The following DOCK1 variants were observed in gnomAD, a reference collection of about 807,000 sequenced individuals.
DOCK1 encodes dedicator of cytokinesis protein 1.
A neutral mutation model predicts 262.7 loss-of-function variants in DOCK1; 138 were observed. The observed-to-expected ratio is 0.53, with a 90% CI of 0.46 to 0.61. The LOEUF is 0.61. Ranked by LOEUF, DOCK1 falls within the 20% of genes least tolerant of loss-of-function variation. The pLI, the probability that DOCK1 is intolerant of heterozygous loss-of-function variation, is 0.00. For synonymous variants in DOCK1, 866 were observed against 867.4 expected (o/e 1.00, Z 0.03); for missense variants, 1,908 against 2,370.7 (o/e 0.80, Z 4.05).
At chr10:127,023,482 A>G (rs952297242) in intron 14 of DOCK1, among the ~76,000 whole-genome samples, 158 bp downstream of exon 14, 3 of 150,158 alleles carry the variant, frequency 2.0e-5, no homozygotes, top group African/African-American at 4.9e-5. Context: ...CCAGCTTGCC[A>G]TGCAGGGCCT....
rs1475916898 is a variant in DOCK1 at position 127,446,783 on chromosome 10, G to A, written c.5414-611G>A. ...AATGATTATTCCTCCGTTTGAAAAC[G>A]GCTATTTTTTCCAGTTTACTTTAAA... On this transcript the variant is annotated intron_variant, in intron 50 of 51. Coordinates refer to ENST00000623213, the MANE Select transcript of DOCK1 (RefSeq NM_001290223.2). This position sits in a 1 kb window ranked among gnomAD's most constrained non-coding sequence, Gnocchi z 4.4. Among the ~76,000 whole-genome samples, 1 of 152,098 alleles carries A rather than the reference G, an allele frequency of 6.6e-6. No individual in the cohort carries two copies.
rs917306885 is a variant in DOCK1, at chr10:127,345,965, G to A, written c.3224+2219G>A. Among the ~76,000 whole-genome samples the A allele has an allele frequency of 9.2e-5, 14 of 152,320 alleles. No individual in the cohort carries two copies. In the East Asian group the frequency reaches 1.4e-3, roughly 15 times the overall value. ...ACAGTGCGGCACAACGCACTTCAAC[G>A]CACTGTAATCCACCAGGTGCGGACA... is the stretch of plus-strand genomic sequence containing the variant. On this transcript the variant is annotated intron_variant, in intron 31 of 51. Coordinates refer to ENST00000623213, the MANE Select transcript of DOCK1 (RefSeq NM_001290223.2).
intron 2 of DOCK1, 55 bp from the exon 3 acceptor site, chr10:126,977,893 T>A: frequency 1.9e-6 from 3 of 1,559,484 alleles, no homozygotes; most frequent in Non-Finnish European, 2.7e-6. Flanking sequence ...GAATGTATTG[T>A]GAGGACCCTA....
chr10:127,278,105 A>G (rs2060811711), intron 29 of DOCK1, among the ~76,000 whole-genome samples: 1 of 152,188 alleles, frequency 6.6e-6, no homozygotes, highest in East Asian at 1.9e-4. Flanking sequence ...GGAGCTATTC[A>G]GTGGAACCCC....
intron 23 of DOCK1, among the ~76,000 whole-genome samples, chr10:127,085,196 C>T (rs1012183307): frequency 6.6e-6 from 1 of 152,144 alleles, no homozygotes; most frequent in African/African-American, 2.4e-5. Flanking sequence ...AGTAAGCAGG[C>T]TTTTATGAAC....
chr10:126,945,455 AAG>A (rs1261260472), intron 1 of DOCK1, among the ~76,000 whole-genome samples: 1,979 of 147,840 alleles, frequency 0.013, 16 homozygotes, highest in Middle Eastern at 0.045. Flanking sequence ...GAGAAGGGGA[AAG>A]AGAGAGAGAG....
intron 29 of DOCK1, among the ~76,000 whole-genome samples, chr10:127,271,144 A>G (rs899601707): frequency 2.0e-5 from 3 of 151,952 alleles, no homozygotes; most frequent in East Asian, 1.9e-4. Flanking sequence ...TTGTCACTTA[A>G]TAGTGTTCTT....
intron 1 of DOCK1, among the ~76,000 whole-genome samples, chr10:126,960,141 A>G (rs1377836605): frequency 2.0e-5 from 3 of 152,166 alleles, no homozygotes; most frequent in Non-Finnish European, 4.4e-5. Flanking sequence ...TGGGTTTAAC[A>G]TTCAGGTAAT....
chr10:127,249,520 G>A (rs970051410), intron 28 of DOCK1, among the ~76,000 whole-genome samples: 2 of 151,964 alleles, frequency 1.3e-5, no homozygotes, highest in African/African-American at 4.8e-5. Flanking sequence ...TTTCATCATT[G>A]TGCAAGCCTC....
At chr10:127,290,157 G>A (rs923608884) in intron 29 of DOCK1, among the ~76,000 whole-genome samples, 3 of 151,834 alleles carry the variant, frequency 2.0e-5, no homozygotes, top group East Asian at 1.9e-4. Flanking sequence ...AGTCAGTCTT[G>A]TTTTATGATC....
intron 14 of DOCK1, 57 bp from the exon 15 acceptor site, chr10:127,024,628 T>TATA: frequency 7.0e-7 from 1 of 1,433,288 alleles, no homozygotes; most frequent in African/African-American, 1.4e-5. Flanking sequence ...GTGGGAGATG[T>TATA]ATATGGTGTC....
intron 27 of DOCK1, among the ~76,000 whole-genome samples, chr10:127,147,600 C>T (rs1293680766): frequency 1.3e-5 from 2 of 152,112 alleles, no homozygotes; most frequent in African/African-American, 2.4e-5. Flanking sequence ...AGCAGCTTCA[C>T]ACTCCTCCCA....
intron 27 of DOCK1, chr10:127,145,959 T>C: frequency 1.9e-6 from 1 of 513,472 alleles, no homozygotes; most frequent in Non-Finnish European, 3.9e-6. Flanking sequence ...AAGACGCCTA[T>C]CTGTGAGGAA....
chr10:127,420,198 G>A (rs1006897636), intron 46 of DOCK1, among the ~76,000 whole-genome samples: 5 of 152,164 alleles, frequency 3.3e-5, no homozygotes, highest in South Asian at 2.1e-4. Flanking sequence ...GGTGGTGTGC[G>A]TCCTCATCTG....
chr10:126,912,228 A>T lies in DOCK1; in HGVS notation c.46+6665A>T, dbSNP rs190436479. ...CGGGTCACCTGAGGTCAGGGGTTAG[A>T]GACCAGCCTGGCCAATATGGTGAAA... On this transcript the variant is annotated intron_variant, in intron 1 of 51. Coordinates refer to ENST00000623213, the MANE Select transcript of DOCK1 (RefSeq NM_001290223.2). Among the ~76,000 whole-genome samples, 8 of 152,252 alleles carry T rather than the reference A, an allele frequency of 5.3e-5. No homozygotes were observed. In the East Asian group the frequency reaches 1.5e-3, roughly 29 times the overall value.
intron 29 of DOCK1, among the ~76,000 whole-genome samples, chr10:127,280,009 C>CATATATATATATATATATATAT (rs10525314): frequency 1.6e-4 from 18 of 114,322 alleles, no homozygotes; most frequent in South Asian, 2.7e-4. Context: ...AATTTTATTT[C>CATATATATATATATATATATAT]ATATATATAT....
intron 27 of DOCK1, among the ~76,000 whole-genome samples, chr10:127,225,301 G>A (rs1000971099): frequency 6.6e-6 from 1 of 152,176 alleles, no homozygotes; most frequent in Non-Finnish European, 1.5e-5. Context: ...AGTGTTCCCC[G>A]ACTTACCCCA....
At chr10:127,037,217 T>C (rs931381941) in intron 18 of DOCK1, among the ~76,000 whole-genome samples, 1 of 152,178 alleles carries the variant, frequency 6.6e-6, no homozygotes, top group Non-Finnish European at 1.5e-5. Flanking sequence ...GCAGGCGTGG[T>C]CTCAGTTGTC....
chr10:127,366,844 G>GT (rs1033084114), intron 33 of DOCK1, among the ~76,000 whole-genome samples: 3 of 152,038 alleles, frequency 2.0e-5, no homozygotes, highest in Admixed American at 6.6e-5. Context: ...AGGGGCTTAA[G>GT]TTTTTTTTAT....
Sources: allele counts gnomAD v4.1 joint callset (sites outside exome capture counted in the v4.1 genomes callset), GRCh38; gene constraint gnomAD v4.1.1; non-coding constraint Gnocchi (gnomAD v3.1); transcripts MANE v1.5; gene names NCBI Gene and HGNC (gene_info 2026-07-23, HGNC 2026-07-21).